The following LMOD1 variants were observed in gnomAD, a reference collection of about 807,000 sequenced individuals.
The protein encoded by LMOD1 is leiomodin-1.
In LMOD1, 8 loss-of-function variants were observed where a neutral mutation model predicts 36.5. That is an observed-to-expected ratio of 0.22 (90% CI 0.13 to 0.40). The LOEUF is 0.40. LMOD1 is among the 10% of genes least tolerant of loss of function. The probability of loss-of-function intolerance (pLI) is 1.00; values close to 1 mark genes in which losing one functional copy is unlikely to be tolerated. For missense variants in LMOD1, 630 were observed against 751.1 expected, an observed-to-expected ratio of 0.84 and a Z score of 1.88; for synonymous variants, 284 against 288.7, an observed-to-expected ratio of 0.98 and a Z score of 0.17.
chr1:201,936,265 A>G (rs1379241178), intron 1 of LMOD1, among the ~76,000 whole-genome samples: 1 of 151,876 alleles, frequency 6.6e-6, no homozygotes, highest in African/African-American at 2.4e-5. Flanking sequence ...AACTGGTCTC[A>G]TTTCTGCACT....
chr1:201,937,356 A>G (rs1682035407), intron 1 of LMOD1, among the ~76,000 whole-genome samples: 1 of 152,132 alleles, frequency 6.6e-6, no homozygotes, highest in Non-Finnish European at 1.5e-5. Context: ...CTGAGGCAGG[A>G]GGATCCCTTG....
At chr1:201,906,073 G>A (rs1006156447) in intron 1 of LMOD1, among the ~76,000 whole-genome samples, 6 of 152,144 alleles carry the variant, frequency 3.9e-5, no homozygotes, top group African/African-American at 1.4e-4. Flanking sequence ...CTGGCTGAGG[G>A]TAGGATCTAT....
intron 1 of LMOD1, among the ~76,000 whole-genome samples, chr1:201,940,054 T>G (rs1682087081): frequency 6.6e-6 from 1 of 152,116 alleles, no homozygotes; most frequent in Non-Finnish European, 1.5e-5. Flanking sequence ...CCTTGGTTAG[T>G]GGGACTCAGA....
At chr1:201,923,908 GGAGA>G (rs557889560) in intron 1 of LMOD1, among the ~76,000 whole-genome samples, 148 of 124,328 alleles carry the variant, frequency 1.2e-3, no homozygotes, top group Admixed American at 2.6e-3. Context: ...AGAGAGGGAG[GGAGA>G]GAGAGAGAGA....
At chr1:201,933,954 C>T (rs1261703283) in intron 1 of LMOD1, among the ~76,000 whole-genome samples, 1 of 152,152 alleles carries the variant, frequency 6.6e-6, no homozygotes, top group African/African-American at 2.4e-5. Context: ...CCAGGTCCCC[C>T]TGGTTTGGCT....
intron 1 of LMOD1, among the ~76,000 whole-genome samples, chr1:201,930,254 T>C (rs1020495833): frequency 2.0e-5 from 3 of 152,160 alleles, no homozygotes; most frequent in African/African-American, 7.2e-5. Flanking sequence ...GAAGGTCAAC[T>C]GTGGGGAGGA....
chr1:201,938,290 C>A (rs144377382), intron 1 of LMOD1, among the ~76,000 whole-genome samples: 1 of 152,018 alleles, frequency 6.6e-6, no homozygotes, highest in Non-Finnish European at 1.5e-5. Context: ...CCACCACGCC[C>A]GGCTAATTTT....
At chr1:201,945,828 T>C (rs1257138738) in intron 1 of LMOD1, among the ~76,000 whole-genome samples, 4 of 152,192 alleles carry the variant, frequency 2.6e-5, no homozygotes, top group Admixed American at 6.5e-5. Flanking sequence ...CCAGCTCCCA[T>C]TCTACTAGTA....
Position 201,896,932 on chromosome 1 carries a change from C to T in LMOD1, c.*1440G>A, listed in dbSNP as rs575094191. 3 of 351,202 alleles carry T rather than the reference C, an allele frequency of 8.5e-6. No homozygotes were observed. The highest frequency in any genetic ancestry group is 1.7e-5 in the Non-Finnish European group (3 of 176,450). The allele number at this position is 351,202 out of a possible 1,614,324, so 21.8% of individuals were successfully genotyped here. Reference sequence around the variant, plus strand: ...AAAGATGGTGAAACTGCTGTGCCTCCTGCTGTTGAGGCAACCTGGAGGCAG... The same window carrying T: ...AAAGATGGTGAAACTGCTGTGCCTCTTGCTGTTGAGGCAACCTGGAGGCAG... On this transcript the variant is annotated 3_prime_UTR_variant, in exon 3 of 3. Transcript: ENST00000367288.
At chr1:201,919,998 G>A (rs1465228838) in intron 1 of LMOD1, among the ~76,000 whole-genome samples, 1 of 145,350 alleles carries the variant, frequency 6.9e-6, no homozygotes, top group Non-Finnish European at 1.5e-5. Context: ...AGAGTAGAAG[G>A]AATATATTGG....
intron 2 of LMOD1, among the ~76,000 whole-genome samples, chr1:201,898,824 G>A (rs931197178): frequency 6.6e-6 from 1 of 152,226 alleles, no homozygotes; most frequent in East Asian, 1.9e-4. Context: ...GGACTGACCT[G>A]TAGGACTTGG....
intron 1 of LMOD1, among the ~76,000 whole-genome samples, chr1:201,917,792 G>T (rs901965849): frequency 5.9e-5 from 9 of 152,180 alleles, no homozygotes; most frequent in Non-Finnish European, 1.3e-4. Context: ...CAGGCTTCTG[G>T]GTCCCACTTA....
rs1681310863 is a variant in LMOD1 at position 201,901,554 on chromosome 1, A to ATG, written c.262-804_262-803insCA. 1.0e-4 allele frequency among the ~76,000 whole-genome samples: 3 copies of ATG among 29,406 alleles called. 1 individual carries two copies. Among genetic ancestry groups the ATG allele is most frequent in the African/African-American group, 4.5e-4 (3 of 6,638 alleles). The allele number at this position is 29,406 out of a possible 152,430, so 19.3% of individuals were successfully genotyped here. On this transcript the variant is annotated intron_variant, in intron 1 of 2. Transcript: ENST00000367288. ...TGTATATATATATATATATATATAC[A>ATG]TATATATATGTATATATATATATAT...
At chr1:201,915,519 G>C (rs4309038) in intron 1 of LMOD1, among the ~76,000 whole-genome samples, 61,067 of 151,788 alleles carry the variant, frequency 0.4, 13,214 homozygotes, top group East Asian at 0.55. Flanking sequence ...CTGGGCAAGT[G>C]GCTCCTCTAA....
intron 1 of LMOD1, among the ~76,000 whole-genome samples, chr1:201,935,319 C>CTTT (rs35542093): frequency 1.1e-4 from 15 of 138,274 alleles, no homozygotes; most frequent in Admixed American, 8.7e-4. Context: ...ATTTGATGTC[C>CTTT]TTTTTTTTTT....
chr1:201,926,562 C>T (rs1681830252), intron 1 of LMOD1, among the ~76,000 whole-genome samples: 1 of 152,052 alleles, frequency 6.6e-6, no homozygotes, highest in Admixed American at 6.6e-5. Flanking sequence ...CCACTGAAAA[C>T]AATGTTTAGG....
At chr1:201,908,196 C>A (rs1398866752) in intron 1 of LMOD1, among the ~76,000 whole-genome samples, 1 of 152,158 alleles carries the variant, frequency 6.6e-6, no homozygotes, top group Non-Finnish European at 1.5e-5. Context: ...TTTGGTTATC[C>A]CAGCTCTGAC....
At chr1:201,904,885 A>G (rs1681387948) in intron 1 of LMOD1, among the ~76,000 whole-genome samples, 1 of 152,222 alleles carries the variant, frequency 6.6e-6, no homozygotes, top group Admixed American at 6.5e-5. Context: ...GAGCCGGCAC[A>G]TAGCAGAGCT....
rs937568309 is a variant in LMOD1, at chr1:201,897,191, A to G, written c.*1181T>C. The G allele has an allele frequency of 1.5e-5, 3 of 199,510 alleles. No homozygotes were observed. Among genetic ancestry groups the G allele is most frequent in the East Asian group, 1.2e-4 (1 of 8,284 alleles). The allele number at this position is 199,510 out of a possible 1,614,324, so 12.4% of individuals were successfully genotyped here. A position where few individuals can be genotyped will look rare whatever the true frequency, so the allele number is the denominator to read the frequency against. ...CCTAGGGCACACAGATATGGGTGCT[A>G]TTCTCCAAATAGTCACTCCACTTCT... On this transcript the variant is annotated 3_prime_UTR_variant, in exon 3 of 3. Transcript: ENST00000367288.
Sources: allele counts gnomAD v4.1 joint callset (sites outside exome capture counted in the v4.1 genomes callset), GRCh38; gene constraint gnomAD v4.1.1; transcripts MANE v1.5; gene names NCBI Gene and HGNC (gene_info 2026-07-23, HGNC 2026-07-21).